CCDC171: variants seen among roughly 807,000 people sequenced by gnomAD.
CCDC171 encodes the protein coiled-coil domain containing 171, also known as coiled-coil domain-containing protein 171.
Under a neutral mutation model 168.2 loss-of-function variants are expected in CCDC171, and 177 were observed. The ratio of observed to expected loss-of-function variants is 1.05; its 90% confidence interval spans 0.93 to 1.19. The LOEUF is 1.19. Among genes scored for constraint, CCDC171 ranks in the 50% most tolerant of loss-of-function variants. CCDC171 has a pLI of 0.00. For missense variants in CCDC171, 1,991 were observed against 1,539.0 expected (o/e 1.29, Z -4.91); for synonymous variants, 687 against 540.8 (o/e 1.27, Z -3.75).
At chr9:15,564,175 C>G (rs1248445901) in intron 2 of CCDC171, 46 bp downstream of exon 2, 8 of 1,443,854 alleles carry the variant, frequency 5.5e-6, no homozygotes, top group East Asian at 2.3e-5. Flanking sequence ...TTTTTAGTTG[C>G]AAGGAACAGG....
At chr9:15,722,061 G>A (rs2053519658) in intron 12 of CCDC171, among the ~76,000 whole-genome samples, 186 bp downstream of exon 12, 1 of 152,092 alleles carries the variant, frequency 6.6e-6, no homozygotes, top group African/African-American at 2.4e-5. Context: ...TCTCACTTAC[G>A]TTTTTGTAAC....
Position 15,677,925 on chromosome 9 carries a change from T to TATATATATATATATATA in CCDC171, c.1077-832_1077-831insTATATATATATATATAA, listed in dbSNP as rs59883669. The stretch of plus-strand genomic sequence containing the variant: ...ATATATATATATATATATATATATA[T>TATATATATATATATATA]AAGAGATGTGGTCTCATTCTGTTAC... On this transcript the variant is annotated intron_variant, in intron 9 of 25. Coordinates refer to ENST00000380701, the MANE Select transcript of CCDC171 (RefSeq NM_173550.4). Among the ~76,000 whole-genome samples, 40 of 41,864 alleles carry TATATATATATATATATA rather than the reference T, an allele frequency of 9.6e-4. 8 individuals are homozygous for TATATATATATATATATA. Among genetic ancestry groups the TATATATATATATATATA allele is most frequent in the Non-Finnish European group, 1.1e-3 (27 of 24,282 alleles). The allele number at this position is 41,864 out of a possible 152,430, so 27.5% of individuals were successfully genotyped here. A position where few individuals can be genotyped will look rare whatever the true frequency, so the allele number is the denominator to read the frequency against.
chr9:15,646,427 A>G (rs2047041945), intron 7 of CCDC171, among the ~76,000 whole-genome samples: 1 of 152,214 alleles, frequency 6.6e-6, no homozygotes, highest in African/African-American at 2.4e-5. Flanking sequence ...TAAATGGGCT[A>G]AATGCTCCAA....
chr9:15,628,058 C>T (rs937848575), intron 7 of CCDC171, among the ~76,000 whole-genome samples: 20 of 151,916 alleles, frequency 1.3e-4, no homozygotes, highest in African/African-American at 1.7e-4. Context: ...CCAAGATGGC[C>T]GAATAGGAAC....
the CCDC171 span, among the ~76,000 whole-genome samples, chr9:16,102,144 C>G: frequency 1.3e-5 from 2 of 152,172 alleles, no homozygotes; most frequent in African/African-American, 4.8e-5. Context: ...AGATGAAGAA[C>G]AGTAAAGGAA....
At chr9:15,945,658 T>G (rs1313624208) in intron 25 of CCDC171, among the ~76,000 whole-genome samples, 2 of 146,618 alleles carry the variant, frequency 1.4e-5, no homozygotes, top group African/African-American at 4.9e-5. Context: ...TCATGTGTTT[T>G]TTGGCTGCAT....
In CCDC171 at chr9:15,637,152, A is replaced by C. The variant is rs189978205; in HGVS notation, c.822+13739A>C. Among the ~76,000 whole-genome samples, 61 of 152,206 alleles carry C rather than the reference A, an allele frequency of 4.0e-4. No individual in the cohort carries two copies. The East Asian group carries it at 5.8e-3, about 15-fold the overall frequency. ...TCGCCTGTAATCCTAGCTGCTCTGG[A>C]GGCTGAGACAGCAAAATCACTTGAA... On this transcript the variant is annotated intron_variant, in intron 7 of 25. Transcript: ENST00000380701.
intron 6 of CCDC171, among the ~76,000 whole-genome samples, chr9:15,616,742 C>T (rs1307931140): frequency 1.3e-5 from 2 of 152,056 alleles, no homozygotes; most frequent in South Asian, 2.1e-4. Context: ...GTCTTTTATA[C>T]TTAGGTAGTA....
chr9:15,813,980 G>A (rs536547750), intron 21 of CCDC171, among the ~76,000 whole-genome samples: 5 of 152,178 alleles, frequency 3.3e-5, no homozygotes, highest in African/African-American at 4.8e-5. Flanking sequence ...ATAGGGACCT[G>A]TGATTTGCAG....
chr9:16,042,930 C>T (rs2133058602), intron 1 of CCDC171: 1 of 152,216 alleles, frequency 6.6e-6, no homozygotes, highest in East Asian at 1.9e-4. Context: ...GGTAGGTGCC[C>T]TTTGTAGGCC....
downstream of CCDC171, among the ~76,000 whole-genome samples, chr9:15,977,387 T>C (rs12003657): frequency 0.078 from 11,901 of 152,216 alleles, 1,529 homozygotes; most frequent in African/African-American, 0.27. Context: ...ATACCACATA[T>C]TCTTAAGTTT....
chr9:15,806,714 T>C (rs2059096237), intron 21 of CCDC171, among the ~76,000 whole-genome samples: 1 of 152,122 alleles, frequency 6.6e-6, no homozygotes, highest in South Asian at 2.1e-4. Context: ...GGGATGCTCT[T>C]GTGTAGAATC....
chr9:16,099,904 C>T, the CCDC171 span, among the ~76,000 whole-genome samples: 19 of 152,118 alleles, frequency 1.2e-4, no homozygotes, highest in Non-Finnish European at 2.6e-4. Context: ...CATCCACCCA[C>T]CCTCTCACTG....
intron 6 of CCDC171, among the ~76,000 whole-genome samples, chr9:16,031,197 A>C (rs1318938381): frequency 6.6e-6 from 1 of 152,170 alleles, no homozygotes; most frequent in Admixed American, 6.5e-5. Flanking sequence ...TTCAGCCTGC[A>C]TTTGTAAAAA....
At chr9:16,030,350 G>A (rs542719364) in intron 6 of CCDC171, among the ~76,000 whole-genome samples, 4 of 152,184 alleles carry the variant, frequency 2.6e-5, no homozygotes, top group African/African-American at 9.6e-5. Flanking sequence ...ATATTTGGAT[G>A]AATAGATAAA....
chr9:16,001,658 T>C (rs1832548796), intron 3 of CCDC171, among the ~76,000 whole-genome samples: 1 of 152,040 alleles, frequency 6.6e-6, no homozygotes, highest in African/African-American at 2.4e-5. Context: ...AAAATTCCTA[T>C]AGCCGAGTGA....
intron 7 of CCDC171, among the ~76,000 whole-genome samples, chr9:15,635,465 C>G (rs936864192): frequency 6.6e-6 from 1 of 152,112 alleles, no homozygotes. Flanking sequence ...AAGCATCCAG[C>G]ACAGAGAAAG....
At position 15,678,653 on chromosome 9, in the gene CCDC171, A is replaced by G. The variant is rs575139821; in HGVS notation, c.1077-105A>G. 37 of 879,652 alleles carry G rather than the reference A, an allele frequency of 4.2e-5. No individual in the cohort carries two copies. In the African/African-American group the frequency reaches 5.8e-4, roughly 14 times the overall value. 54.5% of individuals were successfully genotyped at this position (879,652 alleles called of 1,614,324 possible). A position where few individuals can be genotyped will look rare whatever the true frequency, so the allele number is the denominator to read the frequency against. ...AGTTAGCCTTAAAAAGTCTTTTAGC[A>G]TGAACACATGATATGTAGTACATCT... On this transcript the variant is annotated intron_variant, in intron 9 of 25. Coordinates refer to ENST00000380701, the MANE Select transcript of CCDC171 (RefSeq NM_173550.4).
Position 15,668,129 on chromosome 9 carries a change from A to G in CCDC171, c.1076+1806A>G, listed in dbSNP as rs139565189. Among the ~76,000 whole-genome samples the G allele has an allele frequency of 3.3e-5, 5 of 152,330 alleles. No individual in the cohort carries two copies. The East Asian group carries it at 7.7e-4, about 23-fold the overall frequency. On this transcript the variant is annotated intron_variant, in intron 9 of 25. Coordinates refer to ENST00000380701, the MANE Select transcript of CCDC171 (RefSeq NM_173550.4). ...TGTAAGAAGTCAGAATGAGCTCCCA[A>G]TAATTAAAGCTTTCTAGCAATGAAA... is the stretch of plus-strand genomic sequence containing the variant.
Sources: allele counts gnomAD v4.1 joint callset (sites outside exome capture counted in the v4.1 genomes callset), GRCh38; gene constraint gnomAD v4.1.1; transcripts MANE v1.5; gene names NCBI Gene and HGNC (gene_info 2026-07-23, HGNC 2026-07-21).